ARID2: variants seen among roughly 807,000 people sequenced by gnomAD.
ARID2 encodes the protein AT-rich interactive domain-containing protein 2.
A neutral mutation model predicts 184.6 loss-of-function variants in ARID2; 32 were observed. That is an observed-to-expected ratio of 0.17 (90% CI 0.13 to 0.23). The LOEUF (loss-of-function observed/expected upper bound fraction) is 0.23. ARID2 is among the 10% of genes least tolerant of loss of function. The pLI is 1.00. For missense variants in ARID2, 1,696 were observed against 2,197.6 expected (o/e 0.77, Z 4.56); for synonymous variants, 836 against 772.6 (o/e 1.08, Z -1.36).
At chr12:45,815,054 A>G (rs1942781077) in intron 4 of ARID2, among the ~76,000 whole-genome samples, 1 of 152,216 alleles carries the variant, frequency 6.6e-6, no homozygotes, top group Non-Finnish European at 1.5e-5. Flanking sequence ...GATGTATTGA[A>G]TGGAATATCT....
intron 3 of ARID2, among the ~76,000 whole-genome samples, chr12:45,777,765 CTGT>C (rs1179993375): frequency 6.7e-6 from 1 of 149,580 alleles, no homozygotes; most frequent in Non-Finnish European, 1.5e-5. Flanking sequence ...AGTACAGGGA[CTGT>C]TGTCTTTAAA....
intron 3 of ARID2, among the ~76,000 whole-genome samples, chr12:45,766,885 T>C (rs1555143363): frequency 4.6e-5 from 7 of 151,990 alleles, no homozygotes; most frequent in Non-Finnish European, 2.9e-5. Flanking sequence ...GGAGAATCAC[T>C]TGAACCTGGG....
chr12:45,870,907 G>T (rs1258947736), intron 16 of ARID2, among the ~76,000 whole-genome samples: 1 of 152,082 alleles, frequency 6.6e-6, no homozygotes, highest in Non-Finnish European at 1.5e-5. Flanking sequence ...TTGAACTAAG[G>T]TGTTATAAAC....
intron 3 of ARID2, among the ~76,000 whole-genome samples, chr12:45,746,544 A>G (rs1403507269): frequency 2.0e-5 from 3 of 152,066 alleles, no homozygotes; most frequent in Non-Finnish European, 4.4e-5. Context: ...CTTTTGGTTT[A>G]TGATACCATG....
rs139689510 is a variant in ARID2, at chr12:45,839,421, C to G, written c.1423C>G (p.His475Asp). ...VKLIEHPSSS[H>D]QMLSEIRPQA... Reference sequence around the variant, plus strand: ...ACTCATTGAACACCCAAGTTCCAGTCATCAAATGTTATCTGAAATTAGGCC... The same window carrying G: ...ACTCATTGAACACCCAAGTTCCAGTGATCAAATGTTATCTGAAATTAGGCC... The change falls in exon 11 of 21, where the codon CAT (histidine) becomes GAT (aspartate). Residue 475 changes from histidine to aspartate, a missense_variant. Physicochemically the swap from His to Asp is moderately conservative, Grantham distance 81 (BLOSUM62 -1). Coordinates refer to ENST00000334344, the MANE Select transcript of ARID2 (RefSeq NM_152641.4). The G allele has an allele frequency of 3.1e-6, 5 of 1,613,986 alleles. No individual in the cohort carries two copies. Among genetic ancestry groups the G allele is most frequent in the Non-Finnish European group, 4.2e-6 (5 of 1,180,010 alleles).
At chr12:45,814,135 A>T (rs1305346603) in intron 4 of ARID2, among the ~76,000 whole-genome samples, 1 of 152,190 alleles carries the variant, frequency 6.6e-6, no homozygotes, top group African/African-American at 2.4e-5. Flanking sequence ...ATATTTGAGT[A>T]AAGATTTTCT....
intron 20 of ARID2, among the ~76,000 whole-genome samples, chr12:45,894,964 C>T (rs1944351262): frequency 6.6e-6 from 1 of 152,148 alleles, no homozygotes; most frequent in Non-Finnish European, 1.5e-5. Flanking sequence ...ATTCTCCCTG[C>T]CTAGAATGCC....
At chr12:45,793,708 T>C (rs1391365985) in intron 3 of ARID2, among the ~76,000 whole-genome samples, 1 of 151,832 alleles carries the variant, frequency 6.6e-6, no homozygotes, top group Non-Finnish European at 1.5e-5. Flanking sequence ...CACACACATA[T>C]ATATCTCAGC....
intron 6 of ARID2, among the ~76,000 whole-genome samples, chr12:45,830,134 T>G (rs1943086228): frequency 6.6e-6 from 1 of 151,310 alleles, no homozygotes; most frequent in Non-Finnish European, 1.5e-5. Context: ...ATACACTTGA[T>G]TGTTCTAATA....
At chr12:45,853,826 A>C (rs1394068449) in intron 15 of ARID2, among the ~76,000 whole-genome samples, 2 of 152,218 alleles carry the variant, frequency 1.3e-5, no homozygotes, top group Non-Finnish European at 2.9e-5. Flanking sequence ...ATTAGTGCCA[A>C]ATCTAGGTGT....
At position 45,817,698 on chromosome 12, in the gene ARID2, C is replaced by A. The variant is rs758382440; in HGVS notation, c.447C>A (p.Ser149=). ...ATCTGCGTCAAAGTTATGGGCTGTC[C>A]ATGGACTTTAATTCGCCAAATGATT... ...SDYLRQSYGL[S]MDFNSPNDYN... Residue 149 remains serine (S), a synonymous_variant, in exon 5 of 21, where the codon TCC becomes TCA. Transcript: ENST00000334344. 6.2e-7 allele frequency: 1 copy of A among 1,610,318 alleles called. No homozygotes were observed. Among genetic ancestry groups the A allele is most frequent in the Non-Finnish European group, 8.5e-7 (1 of 1,179,284 alleles).
rs1346284850 is a variant in ARID2, at chr12:45,729,833, A to G, written c.-4A>G. 3 of 1,607,552 alleles carry G rather than the reference A, an allele frequency of 1.9e-6. No homozygotes were observed. In the East Asian group the frequency reaches 6.7e-5, roughly 36 times the overall value. The stretch of plus-strand genomic sequence containing the variant: ...GTTTTTTAAAAACCTCCTTTGAAAA[A>G]ATAATGGCAAACTCGACGGGGAAGG... On this transcript the variant is annotated 5_prime_UTR_variant, in exon 1 of 21. Transcript: ENST00000334344.
intron 20 of ARID2, chr12:45,904,302 T>A: frequency 1.4e-6 from 1 of 714,208 alleles, no homozygotes; most frequent in Non-Finnish European, 2.6e-6. Context: ...ATTTTGTTCC[T>A]CTCCAGCTGT....
At chr12:45,748,552 G>A (rs534450798) in intron 3 of ARID2, among the ~76,000 whole-genome samples, 2 of 152,068 alleles carry the variant, frequency 1.3e-5, no homozygotes, top group Admixed American at 6.5e-5. Context: ...GGGTGGATGT[G>A]GAAATTTCTT....
intron 3 of ARID2, among the ~76,000 whole-genome samples, chr12:45,769,454 A>G (rs1197072350): frequency 6.6e-6 from 1 of 152,196 alleles, no homozygotes; most frequent in African/African-American, 2.4e-5. Context: ...CAGAAGACAG[A>G]ATTAGTTAAT....
At position 45,906,708 on chromosome 12, in the gene ARID2, T is replaced by A. The variant is rs1294176622; in HGVS notation, c.*1630T>A. 8.6e-6 allele frequency: 2 copies of A among 232,096 alleles called. No homozygotes were observed. The highest frequency in any genetic ancestry group is 5.6e-5 in the Admixed American group (1 of 17,750). The allele number at this position is 232,096 out of a possible 1,614,324, so 14.4% of individuals were successfully genotyped here. A position where few individuals can be genotyped will look rare whatever the true frequency, so the allele number is the denominator to read the frequency against. ...AAGAGAGGTCCTTTACATGACAAAT[T>A]TGCATGAAATAAGCAGATTAACCAA... On this transcript the variant is annotated 3_prime_UTR_variant, in exon 21 of 21. Transcript: ENST00000334344.
Position 45,850,137 on chromosome 12 carries a change from C to T in ARID2, c.2014C>T (p.Gln672Ter). The part of the protein sequence containing the change: ...LTATQMSFPV[Q>*]GVHTVAQTVS... The stretch of plus-strand genomic sequence containing the variant: ...TGCAACACAAATGTCTTTTCCTGTA[C>T]AAGGTGTTCATACTGTGGCACAAAC... Residue 672 changes from glutamine to a stop codon, truncating the protein, a stop_gained, in exon 15 of 21, where the codon CAA becomes TAA. Coordinates refer to ENST00000334344, the MANE Select transcript of ARID2 (RefSeq NM_152641.4). LOFTEE classifies it high-confidence loss of function. The T allele has an allele frequency of 6.2e-7, 1 of 1,614,076 alleles. No individual in the cohort carries two copies. The highest frequency in any genetic ancestry group is 8.5e-7 in the Non-Finnish European group (1 of 1,179,984).
intron 16 of ARID2, among the ~76,000 whole-genome samples, chr12:45,862,548 A>G (rs934361119): frequency 1.3e-5 from 2 of 152,122 alleles, no homozygotes; most frequent in African/African-American, 4.8e-5. Context: ...TTAACTTTTC[A>G]AAAAGTTTAC....
intron 16 of ARID2, among the ~76,000 whole-genome samples, chr12:45,880,641 A>G (rs1275439636): frequency 1.3e-5 from 2 of 152,258 alleles, no homozygotes; most frequent in Non-Finnish European, 1.5e-5. Flanking sequence ...TATGAAGATT[A>G]AACACATTAA....
Sources: allele counts gnomAD v4.1 joint callset (sites outside exome capture counted in the v4.1 genomes callset), GRCh38; gene constraint gnomAD v4.1.1; transcripts MANE v1.5; gene names NCBI Gene and HGNC (gene_info 2026-07-23, HGNC 2026-07-21).